The following RELN variants were observed in gnomAD, a reference collection of about 807,000 sequenced individuals.
RELN encodes reelin.
In RELN, 108 loss-of-function variants were observed where a neutral mutation model predicts 427.6. The observed-to-expected ratio is 0.25, with a 90% confidence interval of 0.22 to 0.30. The LOEUF is 0.30. Ranked by LOEUF, RELN falls within the 10% of genes least tolerant of loss-of-function variation. RELN has a pLI of 1.00. For synonymous variants in RELN, 1,524 were observed against 1,513.4 expected (o/e 1.01, Z -0.16); for missense variants, 3,715 against 4,302.8 (o/e 0.86, Z 3.82).
At chr7:103,831,998 C>A (rs1219995307) in intron 3 of RELN, among the ~76,000 whole-genome samples, 1 of 152,124 alleles carries the variant, frequency 6.6e-6, no homozygotes, top group African/African-American at 2.4e-5. Flanking sequence ...TTATAAAAAA[C>A]TTTCTGAGGG....
At chr7:103,515,156 C>A in intron 50 of RELN, 29 bp downstream of exon 50, 2 of 1,613,988 alleles carry the variant, frequency 1.2e-6, no homozygotes, top group Non-Finnish European at 1.7e-6. Flanking sequence ...TTCCACTGGG[C>A]TTTTTATTTA....
rs756237578 is a variant in RELN at position 103,483,718 on chromosome 7, A to G, written c.10116T>C (p.His3372=). Residue 3372 remains histidine (H), a synonymous_variant, in exon 62 of 65, where the codon CAT becomes CAC. Coordinates refer to ENST00000428762, the MANE Select transcript of RELN (RefSeq NM_005045.4). ...QYSVNNGITW[H]VIAQHQPKDF... is the part of the protein sequence containing the mutation. ...CCTTTGGCTGGTGCTGGGCGATGAC[A>G]TGCCAGGTGATCCCGTTGTTGACGC... 1 of 1,614,154 alleles carries G rather than the reference A, an allele frequency of 6.2e-7. No homozygotes were observed. Among genetic ancestry groups the G allele is most frequent in the South Asian group, 1.1e-5 (1 of 91,082 alleles).
At chr7:103,899,504 G>A (rs867159088) in intron 2 of RELN, among the ~76,000 whole-genome samples, 3 of 152,172 alleles carry the variant, frequency 2.0e-5, no homozygotes, top group Non-Finnish European at 4.4e-5. Context: ...GAAAATTTCA[G>A]GCCAATATCC....
chr7:103,732,933 G>T (rs1281632365), intron 6 of RELN, among the ~76,000 whole-genome samples: 1 of 152,026 alleles, frequency 6.6e-6, no homozygotes. Flanking sequence ...GATCCCATTT[G>T]TCAATTTTGT....
At position 103,575,659 on chromosome 7, in the gene RELN, C is replaced by A. The variant is rs747794685; in HGVS notation, c.4192G>T (p.Val1398Leu). 1.9e-6 allele frequency: 3 copies of A among 1,613,968 alleles called. No individual in the cohort carries two copies. Among genetic ancestry groups the A allele is most frequent in the Non-Finnish European group, 2.5e-6 (3 of 1,180,000 alleles). The change falls in exon 29 of 65, where the codon GTG (valine) becomes TTG (leucine). Residue 1398 changes from valine to leucine, a missense_variant. Physicochemically the swap from Val to Leu is conservative, Grantham distance 32 (BLOSUM62 1). Around this residue, in one of 4 missense-constraint regions of RELN, gnomAD observed 2,208 missense variants for 2,361.7 expected, o/e 0.93. Transcript: ENST00000428762. ...WIQESSSQKN[V>L]PPFGLDGVYI... ...ACTCCATCTAAACCAAATGGAGGCA[C>A]GTTTTTCTGTGAGCTGCTCTCCTGG...
chr7:103,815,105 T>A (rs1053439264), intron 3 of RELN, among the ~76,000 whole-genome samples: 2 of 152,338 alleles, frequency 1.3e-5, no homozygotes, highest in Non-Finnish European at 2.9e-5. Context: ...CAACTTTATA[T>A]ACTGAAAATA....
chr7:103,513,054 G>A (rs905844656), intron 50 of RELN: 2 of 152,180 alleles, frequency 1.3e-5, no homozygotes, highest in Non-Finnish European at 2.9e-5. Context: ...GCCACATTTA[G>A]TCCTACATCA....
chr7:103,669,589 AAT>A (rs917382270), intron 11 of RELN, among the ~76,000 whole-genome samples: 39 of 152,084 alleles, frequency 2.6e-4, no homozygotes, highest in African/African-American at 9.2e-4. Context: ...ACTCTCTCCA[AAT>A]ATAATAATTA....
intron 1 of RELN, among the ~76,000 whole-genome samples, chr7:103,937,180 G>A (rs1020920916): frequency 1.3e-5 from 2 of 152,124 alleles, no homozygotes; most frequent in East Asian, 1.9e-4. Context: ...AAGTGGGCAC[G>A]CAATAGATAT....
At chr7:103,787,848 T>A (rs1457215920) in intron 3 of RELN, among the ~76,000 whole-genome samples, 1 of 152,012 alleles carries the variant, frequency 6.6e-6, no homozygotes, top group Non-Finnish European at 1.5e-5. Flanking sequence ...GCCAGCATCA[T>A]CCTAATACCA....
chr7:103,617,836 C>G (rs1278579975), intron 20 of RELN, among the ~76,000 whole-genome samples: 1 of 151,960 alleles, frequency 6.6e-6, no homozygotes, highest in Non-Finnish European at 1.5e-5. Flanking sequence ...TTGGTACTGT[C>G]CTTGAGGTAA....
At chr7:103,534,580 T>C (rs1830009557) in intron 46 of RELN, among the ~76,000 whole-genome samples, 1 of 152,114 alleles carries the variant, frequency 6.6e-6, no homozygotes, top group South Asian at 2.1e-4. Flanking sequence ...CTCAAACTCC[T>C]GGGCTCTAGT....
chr7:103,635,771 A>T (rs1166408230), intron 18 of RELN, among the ~76,000 whole-genome samples, 185 bp from the exon 19 acceptor site: 1 of 152,222 alleles, frequency 6.6e-6, no homozygotes, highest in Non-Finnish European at 1.5e-5. Flanking sequence ...TACATATTTT[A>T]TGTACAGATA....
chr7:103,500,981 T>G (rs1829007180), intron 52 of RELN, 59 bp from the exon 53 acceptor site: 1 of 1,464,654 alleles, frequency 6.8e-7, no homozygotes, highest in Admixed American at 1.7e-5. Flanking sequence ...TTTAGGTCCA[T>G]TGTCCTGCAT....
At chr7:103,931,898 G>A (rs1020138463) in intron 1 of RELN, among the ~76,000 whole-genome samples, 5 of 152,098 alleles carry the variant, frequency 3.3e-5, no homozygotes, top group African/African-American at 1.2e-4. Context: ...AACAGGCCAG[G>A]AAGGGCAGTC....
Position 103,620,095 on chromosome 7 carries a change from T to C in RELN, c.2703-8292A>G, listed in dbSNP as rs562141178. Among the ~76,000 whole-genome samples the C allele has an allele frequency of 6.6e-6, 1 of 152,242 alleles. No homozygotes were observed. Among genetic ancestry groups the C allele is most frequent in the Non-Finnish European group, 1.5e-5 (1 of 68,018 alleles). ...GTTGTGGGAGGGATCCAGTGGGAGA[T>C]AACTGAATGATGGGGATGGGTTCAC... On this transcript the variant is annotated intron_variant, in intron 20 of 64. Coordinates refer to ENST00000428762, the MANE Select transcript of RELN (RefSeq NM_005045.4). This position sits in a 1 kb window ranked among gnomAD's most constrained non-coding sequence, Gnocchi z 4.1.
intron 1 of RELN, among the ~76,000 whole-genome samples, chr7:103,930,868 A>ATATGTGTG (rs1395808422): frequency 7.0e-6 from 1 of 141,902 alleles, no homozygotes; most frequent in Non-Finnish European, 1.5e-5. Context: ...GTGTGAGCAT[A>ATATGTGTG]TGTGTGTGTG....
intron 28 of RELN, among the ~76,000 whole-genome samples, chr7:103,576,463 T>C (rs527781772): frequency 5.9e-5 from 9 of 152,320 alleles, no homozygotes; most frequent in Non-Finnish European, 1.2e-4. Flanking sequence ...AGCATAAATG[T>C]TTGAATATTT....
At chr7:103,510,785 C>A in intron 51 of RELN, 66 bp downstream of exon 51, 1 of 1,292,032 alleles carries the variant, frequency 7.7e-7, no homozygotes, top group Non-Finnish European at 1.1e-6. Context: ...ATCATCTTTT[C>A]TCTGATATTT....
Sources: allele counts gnomAD v4.1 joint callset (sites outside exome capture counted in the v4.1 genomes callset), GRCh38; gene constraint gnomAD v4.1.1; regional missense constraint gnomAD v4.1.1; non-coding constraint Gnocchi (gnomAD v3.1); transcripts MANE v1.5; gene names NCBI Gene and HGNC (gene_info 2026-07-23, HGNC 2026-07-21).